The following ENPP1 variants were observed in gnomAD, a reference collection of about 807,000 sequenced individuals.
The protein encoded by ENPP1 is ectonucleotide pyrophosphatase/phosphodiesterase family member 1.
ENPP1 carries 73 observed loss-of-function variants against 122.8 expected under a neutral mutation model. The ratio of observed to expected loss-of-function variants is 0.59; its 90% CI spans 0.49 to 0.72. ENPP1 has a LOEUF of 0.72. Among genes scored for constraint, ENPP1 ranks in the 30% least tolerant of loss-of-function variants. The probability of loss-of-function intolerance (pLI) is 0.00; values close to 1 mark genes in which losing one functional copy is unlikely to be tolerated. For synonymous variants in ENPP1, 367 were observed against 391.6 expected (o/e 0.94, Z 0.74); for missense variants, 978 against 1,128.1 (o/e 0.87, Z 1.91).
intron 12 of ENPP1, 134 bp downstream of exon 12, chr6:131,868,260 GA>G (rs1308324145): frequency 1.7e-5 from 11 of 649,316 alleles, no homozygotes; most frequent in East Asian, 8.6e-5. Flanking sequence ...CAGTCTTTAG[GA>G]AAAAAATACA....
At chr6:131,808,520 A>T (rs1781310102) in intron 1 of ENPP1, among the ~76,000 whole-genome samples, 1 of 152,228 alleles carries the variant, frequency 6.6e-6, no homozygotes, top group Non-Finnish European at 1.5e-5. Context: ...CTGTGAAAGC[A>T]GGCTGTTCAA....
intron 1 of ENPP1, among the ~76,000 whole-genome samples, chr6:131,816,165 G>A (rs1024456218): frequency 5.9e-5 from 9 of 152,126 alleles, no homozygotes; most frequent in Admixed American, 1.3e-4. Flanking sequence ...TTAAGATACA[G>A]CAAATGTATT....
chr6:131,850,596 A>T (rs576020786), intron 3 of ENPP1, among the ~76,000 whole-genome samples: 1 of 152,248 alleles, frequency 6.6e-6, no homozygotes, highest in South Asian at 2.1e-4. Flanking sequence ...AAAGACAGGG[A>T]CTTGTTCTGT....
intron 11 of ENPP1, among the ~76,000 whole-genome samples, chr6:131,865,371 C>A (rs1782075706): frequency 6.6e-6 from 1 of 152,122 alleles, no homozygotes; most frequent in Non-Finnish European, 1.5e-5. Flanking sequence ...ATGCTTACAA[C>A]AGAGGTCCCA....
rs759335045 is a variant in ENPP1, at chr6:131,882,359, G to A, written c.2115G>A (p.Thr705=). 20 of 1,602,028 alleles carry A rather than the reference G, an allele frequency of 1.2e-5. No homozygotes were observed. The highest frequency in any genetic ancestry group is 4.5e-5 in the East Asian group (2 of 44,162). The change falls in exon 21 of 25, where the codon ACG becomes ACA. Residue 705 remains threonine (T), a synonymous_variant. Transcript: ENST00000647893. ...YTVDRNDSFS[T]EDFSNCLYQD... The stretch of plus-strand genomic sequence containing the variant: ...TCGTTCTTCAGGACAGTTTCTCTAC[G>A]GAAGACTTCTCCAACTGTCTGTACC...
rs139944464 is a variant in ENPP1 at position 131,871,313 on chromosome 6, G to A, written c.1406-757G>A. ...AAAATAAAATCTAGGAAGCTAGACA[G>A]TTATTGATTTGTAGTAGAAAGTACC... On this transcript the variant is annotated intron_variant, in intron 13 of 24. Transcript: ENST00000647893. Among the ~76,000 whole-genome samples the A allele has an allele frequency of 5.1e-4, 77 of 152,284 alleles. 1 individual carries two copies. The East Asian group carries it at 0.014, about 28-fold the overall frequency.
intron 1 of ENPP1, among the ~76,000 whole-genome samples, chr6:131,837,855 C>G (rs1020261924): frequency 1.3e-5 from 2 of 152,076 alleles, no homozygotes; most frequent in South Asian, 4.1e-4. Flanking sequence ...TGTCTTCTAC[C>G]ATGTCTCTTT....
intron 1 of ENPP1, among the ~76,000 whole-genome samples, chr6:131,835,960 C>G (rs146151700): frequency 3.3e-5 from 5 of 152,142 alleles, no homozygotes; most frequent in African/African-American, 1.2e-4. Context: ...CCCAGATCCC[C>G]TAAGTGACAT....
chr6:131,809,574 C>T (rs1781323043), intron 1 of ENPP1, among the ~76,000 whole-genome samples: 1 of 152,130 alleles, frequency 6.6e-6, no homozygotes, highest in Non-Finnish European at 1.5e-5. Flanking sequence ...CTTGAGTCAC[C>T]TTTTAAAAAT....
chr6:131,883,383 G>T (rs1331460861), intron 21 of ENPP1, among the ~76,000 whole-genome samples: 1 of 152,212 alleles, frequency 6.6e-6, no homozygotes, highest in Non-Finnish European at 1.5e-5. Flanking sequence ...AAGGAAAGAA[G>T]ATTGTCAACA....
chr6:131,850,232 C>T (rs971167802), intron 3 of ENPP1, 126 bp downstream of exon 3: 68 of 732,078 alleles, frequency 9.3e-5, no homozygotes, highest in Admixed American at 2.5e-4. Flanking sequence ...CATACATACA[C>T]GTTTTGACAT....
chr6:131,824,387 T>C (rs1269043762), intron 1 of ENPP1, among the ~76,000 whole-genome samples: 1 of 151,712 alleles, frequency 6.6e-6, no homozygotes, highest in Non-Finnish European at 1.5e-5. Context: ...CAGCGCTGAG[T>C]GGAGTGTAAT....
chr6:131,811,396 A>G (rs1192454494), intron 1 of ENPP1, among the ~76,000 whole-genome samples: 4 of 148,812 alleles, frequency 2.7e-5, no homozygotes, highest in Non-Finnish European at 5.9e-5. Context: ...ATCTATATCT[A>G]TATCTATATC....
chr6:131,873,176 C>T (rs1031251507), intron 15 of ENPP1, 126 bp downstream of exon 15: 2 of 1,122,532 alleles, frequency 1.8e-6, no homozygotes, highest in Non-Finnish European at 2.7e-6. Context: ...TCACTCTAAC[C>T]CAGGATTTCT....
At chr6:131,886,842 C>A in intron 24 of ENPP1, 118 bp downstream of exon 24, 4 of 700,428 alleles carry the variant, frequency 5.7e-6, no homozygotes, top group Admixed American at 3.0e-5. Flanking sequence ...ACATGGACTT[C>A]GAAATTATAG....
Position 131,825,910 on chromosome 6 carries a change from T to C in ENPP1, c.240+17635T>C, listed in dbSNP as rs1187664987. On this transcript the variant is annotated intron_variant, in intron 1 of 24. Coordinates refer to ENST00000647893, the MANE Select transcript of ENPP1 (RefSeq NM_006208.3). ...TTTTCATCTTTATTAACTTAGAAAA[T>C]TTTACTTCTTATTTAAAGCCCTGGA... is the stretch of plus-strand genomic sequence containing the variant. The C allele has an allele frequency of 8.9e-6, 3 of 337,680 alleles. No homozygotes were observed. The East Asian group carries it at 1.5e-4, about 17-fold the overall frequency. The allele number at this position is 337,680 out of a possible 1,614,324, so 20.9% of individuals were successfully genotyped here. A position where few individuals can be genotyped will look rare whatever the true frequency, so the allele number is the denominator to read the frequency against.
At chr6:131,826,527 AG>A (rs1781548078) in intron 1 of ENPP1, 1 of 1,232,664 alleles carries the variant, frequency 8.1e-7, no homozygotes, top group African/African-American at 1.5e-5. Flanking sequence ...TCTCTTCCAC[AG>A]TTTTAAGGTT....
At chr6:131,864,616 A>C (rs769675549) in intron 10 of ENPP1, 45 bp downstream of exon 10, 3 of 1,295,596 alleles carry the variant, frequency 2.3e-6, no homozygotes, top group East Asian at 2.3e-5. Context: ...CGTTTTGTAG[A>C]AATGATATAC....
At chr6:131,874,395 GT>G in intron 16 of ENPP1, 58 bp downstream of exon 16, 1 of 944,560 alleles carries the variant, frequency 1.1e-6, no homozygotes, top group Non-Finnish European at 1.7e-6. Flanking sequence ...GATATGCAAA[GT>G]TTTAGACTTG....
Sources: gnomAD v4.1 joint callset for allele counts (sites outside exome capture counted in the v4.1 genomes callset) on GRCh38, gnomAD v4.1.1 for gene constraint, MANE v1.5 for transcripts, NCBI Gene and HGNC (gene_info 2026-07-23, HGNC 2026-07-21) for gene names.